NAV2: variants seen among roughly 807,000 people sequenced by gnomAD.
NAV2 encodes neuron navigator 2.
In NAV2, 54 loss-of-function variants were observed where a neutral mutation model predicts 223.2. The observed-to-expected ratio is 0.24, with a 90% CI of 0.19 to 0.30. The LOEUF (loss-of-function observed/expected upper bound fraction) is 0.30. Among genes scored for constraint, NAV2 ranks in the 10% least tolerant of loss-of-function variants. NAV2 has a pLI of 1.00. For missense variants in NAV2, 2,806 were observed against 3,147.5 expected, an observed-to-expected ratio of 0.89 and a Z score of 2.60; for synonymous variants, 1,279 against 1,239.3, an observed-to-expected ratio of 1.03 and a Z score of -0.67.
At chr11:19,751,767 C>G (rs1294563128) in intron 1 of NAV2, among the ~76,000 whole-genome samples, 1 of 152,188 alleles carries the variant, frequency 6.6e-6, no homozygotes, top group Non-Finnish European at 1.5e-5. Flanking sequence ...AATGCAAGCC[C>G]TGTGAAGGTT....
At chr11:19,726,571 T>A (rs548510091) in intron 1 of NAV2, among the ~76,000 whole-genome samples, 2 of 152,352 alleles carry the variant, frequency 1.3e-5, no homozygotes, top group Admixed American at 1.3e-4. Context: ...TAGAACTGAC[T>A]GTGAGCTGCC....
At chr11:20,095,569 T>G in intron 29 of NAV2, 103 bp from the exon 30 acceptor site, 1 of 775,410 alleles carries the variant, frequency 1.3e-6, no homozygotes, top group South Asian at 1.5e-5. Context: ...TTTATTCCCC[T>G]CTCAAACCAT....
intron 1 of NAV2, among the ~76,000 whole-genome samples, chr11:19,603,580 TTGCGCCACTGCAC>T (rs571785888): frequency 2.1e-3 from 315 of 147,884 alleles, no homozygotes; most frequent in Middle Eastern, 0.01. Context: ...TGAGCCAAGA[TTGCGCCACTGCAC>T]TGCACTCCAG....
At chr11:19,934,629 A>G (rs2045681686) in intron 7 of NAV2, among the ~76,000 whole-genome samples, 1 of 152,206 alleles carries the variant, frequency 6.6e-6, no homozygotes, top group African/African-American at 2.4e-5. Flanking sequence ...GTGTCACCCG[A>G]CAGTCCCCAG....
upstream of NAV2, among the ~76,000 whole-genome samples, chr11:19,347,750 G>A (rs939581337): frequency 4.6e-5 from 7 of 152,196 alleles, no homozygotes; most frequent in Admixed American, 3.3e-4. Context: ...CAGCACGCAT[G>A]TTCATTTCTC....
intron 11 of NAV2, among the ~76,000 whole-genome samples, chr11:20,014,147 C>T (rs1038240316): frequency 2.0e-5 from 3 of 152,178 alleles, no homozygotes; most frequent in Non-Finnish European, 4.4e-5. Flanking sequence ...TGAGCACCTA[C>T]AAGTTTCCTC....
intron 12 of NAV2, among the ~76,000 whole-genome samples, chr11:20,042,613 A>G (rs906702252): frequency 6.6e-6 from 1 of 152,140 alleles, no homozygotes. Context: ...TGGGCTGCCT[A>G]TCTGTTTTTA....
At chr11:20,087,590 C>T (rs2153676726) in intron 26 of NAV2, among the ~76,000 whole-genome samples, 1 of 152,242 alleles carries the variant, frequency 6.6e-6, no homozygotes, top group African/African-American at 2.4e-5. Flanking sequence ...TGCCACCAGC[C>T]CTGACTGTGG....
chr11:19,452,983 T>C (rs569610547), intron 1 of NAV2, among the ~76,000 whole-genome samples: 2 of 152,346 alleles, frequency 1.3e-5, no homozygotes, highest in South Asian at 4.1e-4. Flanking sequence ...ATTTCACAGA[T>C]GTTGAAATTG....
chr11:19,725,725 T>A (rs1268175351), intron 1 of NAV2, among the ~76,000 whole-genome samples: 1 of 152,230 alleles, frequency 6.6e-6, no homozygotes. Context: ...AGCTTTGTCA[T>A]ATTTTTAGCC....
chr11:19,699,207 A>C (rs2049437004), intron 1 of NAV2, among the ~76,000 whole-genome samples: 1 of 152,232 alleles, frequency 6.6e-6, no homozygotes, highest in Non-Finnish European at 1.5e-5. Flanking sequence ...TCAGACAATT[A>C]AGAATTTGAA....
intron 12 of NAV2, among the ~76,000 whole-genome samples, chr11:20,042,153 A>C (rs2056978835): frequency 6.6e-6 from 1 of 152,210 alleles, no homozygotes; most frequent in East Asian, 1.9e-4. Context: ...AGAGGAAGGA[A>C]ACTGACCTGA....
At chr11:19,932,186 G>T (rs553563325) in intron 6 of NAV2, among the ~76,000 whole-genome samples, 8 of 122,576 alleles carry the variant, frequency 6.5e-5, no homozygotes, top group African/African-American at 2.4e-4. Context: ...CAGATAACCT[G>T]TGTGTTTTCT....
chr11:20,027,275 C>G, intron 11 of NAV2: 1 of 985,242 alleles, frequency 1.0e-6, no homozygotes, highest in Non-Finnish European at 1.2e-6. Context: ...GCTCACTCAT[C>G]CACACCAAAG....
chr11:19,528,733 C>T (rs1051277925), intron 1 of NAV2, among the ~76,000 whole-genome samples: 1 of 152,052 alleles, frequency 6.6e-6, no homozygotes, highest in Non-Finnish European at 1.5e-5. Context: ...AGATCGAAAC[C>T]ATCCTGGCCA....
chr11:20,039,372 G>C (rs759135927), intron 12 of NAV2, among the ~76,000 whole-genome samples: 62 of 152,224 alleles, frequency 4.1e-4, no homozygotes, highest in Admixed American at 6.5e-4. Context: ...AGACTGGATG[G>C]TTCCTCAGAA....
chr11:19,622,048 C>G (rs2047014588), intron 1 of NAV2, among the ~76,000 whole-genome samples: 2 of 152,198 alleles, frequency 1.3e-5, no homozygotes, highest in South Asian at 4.1e-4. Context: ...TGTTTAGTTT[C>G]CATGTAGTTG....
At chr11:19,432,033 A>G (rs1178026838) in intron 1 of NAV2, among the ~76,000 whole-genome samples, 2 of 152,170 alleles carry the variant, frequency 1.3e-5, no homozygotes, top group Non-Finnish European at 2.9e-5. Context: ...CCCTGTCTGT[A>G]TTAAAAATAC....
intron 1 of NAV2, among the ~76,000 whole-genome samples, chr11:19,718,756 G>A (rs1440557960): frequency 6.6e-6 from 1 of 151,700 alleles, no homozygotes; most frequent in Non-Finnish European, 1.5e-5. Flanking sequence ...ACACTTTAAG[G>A]GTGGTACTGG....
Sources: allele counts gnomAD v4.1 joint callset (sites outside exome capture counted in the v4.1 genomes callset), GRCh38; gene constraint gnomAD v4.1.1; transcripts MANE v1.5; gene names NCBI Gene and HGNC (gene_info 2026-07-23, HGNC 2026-07-21).